PSME4: variants seen among roughly 807,000 people sequenced by gnomAD.
PSME4 encodes proteasome activator subunit 4, also known as proteasome activator complex subunit 4.
In PSME4, 89 loss-of-function variants were observed where a neutral mutation model predicts 253.9. The observed-to-expected ratio is 0.35, with a 90% CI of 0.30 to 0.42. The LOEUF (loss-of-function observed/expected upper bound fraction) is 0.42. Among genes scored for constraint, PSME4 ranks in the 10% least tolerant of loss-of-function variants. The pLI is 1.00. For synonymous variants in PSME4, 851 were observed against 759.2 expected, an observed-to-expected ratio of 1.12 and a Z score of -1.99; for missense variants, 2,014 against 2,195.2, an observed-to-expected ratio of 0.92 and a Z score of 1.65.
At chr2:53,893,085 G>A (rs963975799) in intron 35 of PSME4, 125 bp from the exon 36 acceptor site, 1 of 708,776 alleles carries the variant, frequency 1.4e-6, no homozygotes, top group Non-Finnish European at 2.1e-6. Flanking sequence ...CTTTAGAACT[G>A]CTTTAACAAT....
chr2:53,914,737 C>G (rs906007740), intron 20 of PSME4, among the ~76,000 whole-genome samples: 1 of 151,954 alleles, frequency 6.6e-6, no homozygotes, highest in Non-Finnish European at 1.5e-5. Context: ...AAAAATTAGC[C>G]GGGCATGGTG....
chr2:53,935,038 A>C (rs1018925048), intron 7 of PSME4, among the ~76,000 whole-genome samples: 1 of 152,200 alleles, frequency 6.6e-6, no homozygotes, highest in Non-Finnish European at 1.5e-5. Flanking sequence ...ACTGTGGCTA[A>C]ACATGAAATA....
chr2:53,937,056 T>C (rs1669159025), intron 5 of PSME4, among the ~76,000 whole-genome samples: 1 of 152,236 alleles, frequency 6.6e-6, no homozygotes, highest in Admixed American at 6.5e-5. Flanking sequence ...TCTGCTTCAT[T>C]ACTAAGTACT....
In PSME4 at chr2:53,899,965, G is replaced by A. The variant is rs1328343263; in HGVS notation, c.3338C>T (p.Pro1113Leu). The A allele has an allele frequency of 1.2e-6, 2 of 1,613,520 alleles. No individual in the cohort carries two copies. The highest frequency in any genetic ancestry group is 1.7e-5 in the Admixed American group (1 of 59,996). ...IAELLQQSKNPSINQILLSPE... is the reference protein window; with the variant it reads ...IAELLQQSKNLSINQILLSPE... ...GCTAAGCAATATCTGGTTGATAGAG[G>A]GGTTTTTTGACTGTTGAAGTAATTC... The change falls in exon 29 of 47, where the codon CCC becomes CTC. Residue 1113 changes from proline (P) to leucine (L), a missense_variant. Around this residue, in one of 4 missense-constraint regions of PSME4, gnomAD observed 989 missense variants for 1,021.1 expected, o/e 0.97. Transcript: ENST00000404125.
At chr2:53,871,490 G>A (rs1256114739) in intron 43 of PSME4, among the ~76,000 whole-genome samples, 3 of 151,728 alleles carry the variant, frequency 2.0e-5, no homozygotes, top group Non-Finnish European at 4.4e-5. Flanking sequence ...TCCTGACCTC[G>A]TGATCCGCCC....
At chr2:53,889,909 CTTTCAAGATTCAAGAAG>C (rs985470211) in intron 37 of PSME4, among the ~76,000 whole-genome samples, 178 bp downstream of exon 37, 2 of 152,112 alleles carry the variant, frequency 1.3e-5, no homozygotes, top group African/African-American at 4.8e-5. Flanking sequence ...TATGAACAAA[CTTTCAAGATTCAAGAAG>C]TGAGTTACCT....
At position 53,874,394 on chromosome 2, in the gene PSME4, G is replaced by C; in HGVS notation, c.5045C>G (p.Ala1682Gly). ...AACCAGCCACCTGATATCTTTAACTGCATCTTCATTGTTTAGGAAAATAAA... is the reference window on the plus strand; with the variant it reads ...AACCAGCCACCTGATATCTTTAACTCCATCTTCATTGTTTAGGAAAATAAA... ...NLFIFLNNED[A>G]VKDIRWLVIS... The change falls in exon 43 of 47, where the codon GCA becomes GGA. Residue 1682 changes from alanine to glycine, a missense_variant. This residue lies in a region of PSME4 where 403 missense variants were observed against 556.1 expected (regional missense o/e 0.72). Coordinates refer to ENST00000404125, the MANE Select transcript of PSME4 (RefSeq NM_014614.3). The C allele has an allele frequency of 6.2e-7, 1 of 1,613,938 alleles. No individual in the cohort carries two copies. Among genetic ancestry groups the C allele is most frequent in the East Asian group, 2.2e-5 (1 of 44,874 alleles).
At chr2:53,872,049 T>A (rs1489288308) in intron 43 of PSME4, among the ~76,000 whole-genome samples, 1 of 152,148 alleles carries the variant, frequency 6.6e-6, no homozygotes, top group Admixed American at 6.6e-5. Flanking sequence ...TAAATCTCTT[T>A]ATCAAAAATA....
chr2:53,967,654 A>G (rs1670806666), intron 1 of PSME4, among the ~76,000 whole-genome samples: 1 of 127,784 alleles, frequency 7.8e-6, no homozygotes, highest in South Asian at 2.3e-4. Context: ...TGTCTCAAAA[A>G]AAAAAAAAAA....
At chr2:53,954,185 G>T (rs577783938) in intron 1 of PSME4, among the ~76,000 whole-genome samples, 4 of 152,134 alleles carry the variant, frequency 2.6e-5, no homozygotes, top group Non-Finnish European at 5.9e-5. Context: ...AAAATTAGCC[G>T]GGTGTGGCGG....
At chr2:53,967,350 G>A (rs1216688642) in intron 1 of PSME4, among the ~76,000 whole-genome samples, 1 of 151,962 alleles carries the variant, frequency 6.6e-6, no homozygotes, top group Non-Finnish European at 1.5e-5. Context: ...TACTAAAAAT[G>A]AAGAAAAAAG....
At chr2:53,954,937 T>C (rs924748537) in intron 1 of PSME4, among the ~76,000 whole-genome samples, 4 of 151,998 alleles carry the variant, frequency 2.6e-5, no homozygotes, top group Non-Finnish European at 5.9e-5. Context: ...CCTAGCACTC[T>C]GGGAAGTTGA....
chr2:53,894,622 C>G (rs931607304), intron 34 of PSME4, among the ~76,000 whole-genome samples: 3 of 152,218 alleles, frequency 2.0e-5, no homozygotes, highest in Non-Finnish European at 4.4e-5. Context: ...GGAGTTTTAA[C>G]TGAAATCTAC....
In PSME4 at chr2:53,864,165, C is replaced by T. The variant is rs1678460900; in HGVS notation, c.*1413G>A. 6.6e-6 allele frequency: 1 copy of T among 152,190 alleles called. No individual in the cohort carries two copies. The highest frequency in any genetic ancestry group is 2.1e-4 in the South Asian group (1 of 4,832). 9.4% of individuals were successfully genotyped at this position (152,190 alleles called of 1,614,324 possible). On this transcript the variant is annotated 3_prime_UTR_variant, in exon 47 of 47. Transcript: ENST00000404125. ...GGGATTACGCCTGTGTATGCCGACA[C>T]TTAAATACTGTACCAGGACCACTGC...
chr2:53,895,843 A>C, intron 32 of PSME4, 107 bp from the exon 33 acceptor site: 1 of 1,030,252 alleles, frequency 9.7e-7, no homozygotes, highest in Non-Finnish European at 1.4e-6. Context: ...ACAAAACAAC[A>C]CTACAAAAAT....
At chr2:53,891,516 T>C (rs186208537) in intron 36 of PSME4, among the ~76,000 whole-genome samples, 7 of 151,870 alleles carry the variant, frequency 4.6e-5, no homozygotes, top group Admixed American at 3.3e-4. Flanking sequence ...GAACAGTTAC[T>C]ATTATTAATT....
At chr2:53,957,206 A>G (rs1036263859) in intron 1 of PSME4, among the ~76,000 whole-genome samples, 1 of 152,224 alleles carries the variant, frequency 6.6e-6, no homozygotes, top group Non-Finnish European at 1.5e-5. Flanking sequence ...TTTAACACAC[A>G]GAAAGGACCG....
intron 20 of PSME4, among the ~76,000 whole-genome samples, chr2:53,915,712 C>CA (rs905004661): frequency 6.0e-5 from 9 of 149,690 alleles, no homozygotes; most frequent in East Asian, 3.9e-4. Flanking sequence ...AGTAATCTGA[C>CA]AAAAAAAAAT....
At chr2:53,899,168 G>A (rs805420) in intron 29 of PSME4, among the ~76,000 whole-genome samples, 42,993 of 151,866 alleles carry the variant, frequency 0.28, 6,480 homozygotes, top group South Asian at 0.46. Context: ...AGGTTCAAGC[G>A]ATCCTCCCAC....
Sources: gnomAD v4.1 joint callset for allele counts (sites outside exome capture counted in the v4.1 genomes callset) on GRCh38, gnomAD v4.1.1 for gene constraint, gnomAD v4.1.1 regional missense constraint, MANE v1.5 for transcripts, NCBI Gene and HGNC (gene_info 2026-07-23, HGNC 2026-07-21) for gene names.